The following CLCA2 variants were observed in gnomAD, a reference collection of about 807,000 sequenced individuals.
CLCA2 encodes chloride channel accessory 2, also known as calcium-activated chloride channel regulator 2.
In CLCA2, 85 loss-of-function variants were observed where a neutral mutation model predicts 82.9. The observed-to-expected ratio is 1.03, with a 90% confidence interval of 0.86 to 1.23. The LOEUF is 1.23. CLCA2 is among the 50% of genes most tolerant of loss of function. CLCA2 has a pLI of 0.00. For synonymous variants in CLCA2, 421 were observed against 391.7 expected, an observed-to-expected ratio of 1.07 and a Z score of -0.88; for missense variants, 1,089 against 1,124.8, an observed-to-expected ratio of 0.97 and a Z score of 0.45.
intron 9 of CLCA2, among the ~76,000 whole-genome samples, chr1:86,442,760 C>T (rs550757318): frequency 3.9e-5 from 6 of 152,326 alleles, no homozygotes; most frequent in South Asian, 2.1e-4. Context: ...ATTGGAAATA[C>T]GCAGTAATTA....
chr1:86,443,953 A>AT lies in CLCA2; in HGVS notation c.1659dup (p.Ile554TyrfsTer10), dbSNP rs768578108. ...GATGGACGAAAATACTACACAAATA[A>AT]TTTTATCACCAATCTAACTTTTCGG... On this transcript the variant is annotated frameshift_variant, in exon 10 of 14. Transcript: ENST00000370565. LOFTEE classifies it high-confidence loss of function. The AT allele has an allele frequency of 6.2e-7, 1 of 1,613,660 alleles. No individual in the cohort carries two copies. The highest frequency in any genetic ancestry group is 1.3e-5 in the African/African-American group (1 of 74,900).
At chr1:86,451,153 CTAAA>C (rs947768044) in intron 12 of CLCA2, among the ~76,000 whole-genome samples, 34 of 152,228 alleles carry the variant, frequency 2.2e-4, no homozygotes, top group African/African-American at 7.7e-4. Flanking sequence ...AAATGAGTTC[CTAAA>C]TAAATATGAG....
At chr1:86,448,813 G>A (rs1662907325) in intron 11 of CLCA2, among the ~76,000 whole-genome samples, 1 of 152,226 alleles carries the variant, frequency 6.6e-6, no homozygotes, top group Non-Finnish European at 1.5e-5. Context: ...GGATCCAAAT[G>A]AACTTCTCAT....
intron 3 of CLCA2, 91 bp downstream of exon 3, chr1:86,428,659 G>A: frequency 6.9e-7 from 1 of 1,452,262 alleles, no homozygotes; most frequent in South Asian, 1.4e-5. Context: ...CACAAAACCT[G>A]AAACTTGTCA....
rs748947814 is a variant in CLCA2 at position 86,428,529 on chromosome 1, C to T, written c.436C>T (p.Leu146=). 6.2e-7 allele frequency: 1 copy of T among 1,613,654 alleles called. No homozygotes were observed. The highest frequency in any genetic ancestry group is 1.7e-5 in the Admixed American group (1 of 59,990). ...GKYIHFTPNF[L]LNDNLTAGYG... is the part of the protein sequence containing the mutation. The stretch of plus-strand genomic sequence containing the variant: ...ATACATTCATTTCACACCTAATTTC[C>T]TACTGAATGATAACTTAACAGCTGG... Residue 146 remains leucine, a synonymous_variant, in exon 3 of 14, where the codon CTA becomes TTA. Coordinates refer to ENST00000370565, the MANE Select transcript of CLCA2 (RefSeq NM_006536.7).
At chr1:86,450,775 T>C in intron 12 of CLCA2, 42 bp downstream of exon 12, 1 of 1,517,070 alleles carries the variant, frequency 6.6e-7, no homozygotes, top group Non-Finnish European at 8.9e-7. Context: ...CATCATTTCA[T>C]GTACATATCT....
chr1:86,445,741 T>C (rs1460215440), intron 10 of CLCA2, among the ~76,000 whole-genome samples: 1 of 152,110 alleles, frequency 6.6e-6, no homozygotes, highest in Non-Finnish European at 1.5e-5. Context: ...TCTGCATTCA[T>C]TTGAAATTCC....
chr1:86,453,570 C>A lies in CLCA2; in HGVS notation c.2357C>A (p.Thr786Lys), dbSNP rs766654350. 2 of 1,614,104 alleles carry A rather than the reference C, an allele frequency of 1.2e-6. No homozygotes were observed. Among genetic ancestry groups the A allele is most frequent in the East Asian group, 4.5e-5 (2 of 44,872 alleles). ...KVEEELTLSW[T>K]APGEDFDQGQ... is the part of the protein sequence containing the mutation. ...GAAGAGGAATTGACCCTATCTTGGA[C>A]AGCACCTGGAGAAGACTTTGATCAG... The change falls in exon 13 of 14, where the codon ACA (threonine) becomes AAA (lysine). Residue 786 changes from threonine (T) to lysine (K), a missense_variant. Transcript: ENST00000370565.
chr1:86,434,130 A>T (rs1452962175), intron 5 of CLCA2, among the ~76,000 whole-genome samples: 1 of 152,190 alleles, frequency 6.6e-6, no homozygotes, highest in Non-Finnish European at 1.5e-5. Context: ...ATTAAATATT[A>T]TTCCAAGGAG....
Position 86,447,603 on chromosome 1 carries a change from C to G in CLCA2, c.1809C>G (p.Pro603=), listed in dbSNP as rs2275002. The change falls in exon 11 of 14, where the codon CCC becomes CCG. Residue 603 remains proline (P), a synonymous_variant. Coordinates refer to ENST00000370565, the MANE Select transcript of CLCA2 (RefSeq NM_006536.7). ...CTCGCGCCTCCAACTCAGCTGTGCC[C>G]CCAGCCACTGTGGAAGCCTTTGTGG... ...VTSRASNSAV[P]PATVEAFVER... is the part of the protein sequence containing the mutation. 1.1e-4 allele frequency: 183 copies of G among 1,614,124 alleles called. 4 individuals carry two copies. In the East Asian group the frequency reaches 4.0e-3, roughly 35 times the overall value.
intron 10 of CLCA2, chr1:86,445,409 A>G (rs1558115690): frequency 8.6e-6 from 1 of 116,538 alleles, no homozygotes; most frequent in African/African-American, 3.4e-5. Context: ...TTTATTCCAG[A>G]TGGGAGGCTG....
intron 4 of CLCA2, among the ~76,000 whole-genome samples, chr1:86,431,903 G>A (rs577082497): frequency 6.6e-6 from 1 of 152,214 alleles, no homozygotes; most frequent in South Asian, 2.1e-4. Context: ...TCTTAATGAA[G>A]CAGTTTTTTG....
chr1:86,440,841 C>T (rs1570261431), intron 8 of CLCA2, among the ~76,000 whole-genome samples: 1 of 152,130 alleles, frequency 6.6e-6, no homozygotes, highest in East Asian at 1.9e-4. Flanking sequence ...GCAGAGGTTG[C>T]AGTCACCTGA....
chr1:86,439,170 G>T, intron 7 of CLCA2, 64 bp downstream of exon 7: 5 of 1,475,666 alleles, frequency 3.4e-6, no homozygotes, highest in Non-Finnish European at 3.8e-6. Context: ...TAGTATACGA[G>T]GTTTCCTCTG....
intron 2 of CLCA2, among the ~76,000 whole-genome samples, chr1:86,427,559 C>CACAA (rs1428189331): frequency 1.3e-5 from 2 of 151,688 alleles, no homozygotes; most frequent in East Asian, 3.9e-4. Context: ...CACACACACA[C>CACAA]ACACACACAC....
chr1:86,430,595 A>G (rs1280538631), intron 3 of CLCA2, among the ~76,000 whole-genome samples: 1 of 152,204 alleles, frequency 6.6e-6, no homozygotes, highest in African/African-American at 2.4e-5. Flanking sequence ...ACTACTCACT[A>G]GCTTCAAATA....
chr1:86,424,456 A>C, intron 1 of CLCA2, 23 bp downstream of exon 1: 1 of 1,588,404 alleles, frequency 6.3e-7, no homozygotes, highest in Non-Finnish European at 8.6e-7. Flanking sequence ...TATGAAATTG[A>C]TACTAGCATC....
chr1:86,446,328 T>C (rs1662853357), intron 10 of CLCA2, among the ~76,000 whole-genome samples: 1 of 151,658 alleles, frequency 6.6e-6, no homozygotes, highest in Non-Finnish European at 1.5e-5. Context: ...GCTTCTCTCT[T>C]AACTTCTTCG....
At chr1:86,431,737 A>G (rs1174147477) in intron 4 of CLCA2, among the ~76,000 whole-genome samples, 1 of 152,182 alleles carries the variant, frequency 6.6e-6, no homozygotes, top group Non-Finnish European at 1.5e-5. Context: ...CTTGCCACTC[A>G]TGTCCTTCCT....
Sources: allele counts gnomAD v4.1 joint callset (sites outside exome capture counted in the v4.1 genomes callset), GRCh38; gene constraint gnomAD v4.1.1; transcripts MANE v1.5; gene names NCBI Gene and HGNC (gene_info 2026-07-23, HGNC 2026-07-21).